The following RABGAP1L variants were observed in gnomAD, a reference collection of about 807,000 sequenced individuals.
The protein encoded by RABGAP1L is RAB GTPase activating protein 1 like.
RABGAP1L carries 63 observed loss-of-function variants against 137.7 expected under a neutral mutation model. That is an observed-to-expected ratio of 0.46 (90% CI 0.37 to 0.56). The LOEUF (loss-of-function observed/expected upper bound fraction) is 0.56, where lower values mean the gene tolerates loss of function less well. Ranked by LOEUF, RABGAP1L falls within the 20% of genes least tolerant of loss-of-function variation. The pLI is 0.00. For synonymous variants in RABGAP1L, 431 were observed against 433.7 expected (o/e 0.99, Z 0.08); for missense variants, 1,095 against 1,244.0 (o/e 0.88, Z 1.80).
intron 13 of RABGAP1L, among the ~76,000 whole-genome samples, chr1:174,472,504 C>T (rs557734896): frequency 6.6e-6 from 1 of 152,212 alleles, no homozygotes; most frequent in South Asian, 2.1e-4. Flanking sequence ...ATATTTATTA[C>T]GGTGAAAAGA....
intron 13 of RABGAP1L, among the ~76,000 whole-genome samples, chr1:174,479,324 G>T (rs1490031254): frequency 6.6e-6 from 1 of 152,178 alleles, no homozygotes; most frequent in Non-Finnish European, 1.5e-5. Context: ...CTTAGGCAGT[G>T]GTTCTCAAAC....
intron 11 of RABGAP1L, among the ~76,000 whole-genome samples, chr1:174,344,454 C>A (rs1682265582): frequency 6.6e-6 from 1 of 152,100 alleles, no homozygotes; most frequent in African/African-American, 2.4e-5. Context: ...CTTGTATAGC[C>A]ATTTTACCCT....
intron 11 of RABGAP1L, among the ~76,000 whole-genome samples, chr1:174,350,047 G>A (rs1363330351): frequency 1.7e-3 from 199 of 115,118 alleles, no homozygotes; most frequent in African/African-American, 6.1e-3. Context: ...GGGCAGAGGC[G>A]CCCCTCACCT....
At chr1:174,664,986 C>T (rs1379620001) in intron 14 of RABGAP1L, among the ~76,000 whole-genome samples, 1 of 152,128 alleles carries the variant, frequency 6.6e-6, no homozygotes, top group Non-Finnish European at 1.5e-5. Context: ...ATCCGTTCGC[C>T]TCAGCTTCCC....
At chr1:174,797,963 G>C (rs1375709445) in intron 18 of RABGAP1L, among the ~76,000 whole-genome samples, 3 of 151,524 alleles carry the variant, frequency 2.0e-5, no homozygotes, top group Non-Finnish European at 4.4e-5. Context: ...TTTAGAGATG[G>C]GGTTCCACTA....
At chr1:174,431,715 A>G (rs1246951477) in intron 13 of RABGAP1L, among the ~76,000 whole-genome samples, 1 of 152,190 alleles carries the variant, frequency 6.6e-6, no homozygotes, top group Non-Finnish European at 1.5e-5. Context: ...AAGGTACCTA[A>G]TTCTTATGGA....
intron 5 of RABGAP1L, chr1:174,245,985 C>G (rs1672226439): frequency 6.6e-6 from 1 of 152,040 alleles, no homozygotes; most frequent in African/African-American, 2.4e-5. Flanking sequence ...AGTGAGTTAT[C>G]TTTCACCAGT....
rs1032205622 is a variant in RABGAP1L, at chr1:174,596,307, C to T, written c.1711-41068C>T. The stretch of plus-strand genomic sequence containing the variant: ...CTCAGATGGAAATGCAGAAATCACC[C>T]GTCTTCTGCGTGGCTCACGCTGGGA... On this transcript the variant is annotated intron_variant, in intron 13 of 25. Transcript: ENST00000681986. 2.0e-5 allele frequency among the ~76,000 whole-genome samples: 3 copies of T among 151,752 alleles called. No individual in the cohort carries two copies. In the East Asian group the frequency reaches 5.9e-4, roughly 30 times the overall value.
At chr1:174,295,129 A>G (rs996532142) in intron 10 of RABGAP1L, among the ~76,000 whole-genome samples, 2 of 151,720 alleles carry the variant, frequency 1.3e-5, no homozygotes, top group African/African-American at 4.8e-5. Flanking sequence ...GTGTTAGCCA[A>G]GATGGGCTCG....
intron 13 of RABGAP1L, among the ~76,000 whole-genome samples, chr1:174,615,834 G>T (rs189204985): frequency 7.2e-4 from 109 of 152,332 alleles, no homozygotes; most frequent in Middle Eastern, 6.8e-3. Flanking sequence ...ATCTCCGACT[G>T]TTGTGCTAGC....
intron 13 of RABGAP1L, among the ~76,000 whole-genome samples, chr1:174,520,481 A>C (rs538290271): frequency 1.3e-5 from 2 of 152,202 alleles, no homozygotes; most frequent in Non-Finnish European, 2.9e-5. Flanking sequence ...ATATAAACTG[A>C]ATTGTTTTTA....
chr1:174,702,035 A>G, intron 16 of RABGAP1L, 78 bp from the exon 17 acceptor site: 1 of 1,338,778 alleles, frequency 7.5e-7, no homozygotes. Context: ...GCTGTTTGTA[A>G]GTTGCAGTTG....
At chr1:174,194,946 A>G (rs1429846814) in intron 1 of RABGAP1L, among the ~76,000 whole-genome samples, 2 of 152,130 alleles carry the variant, frequency 1.3e-5, no homozygotes, top group African/African-American at 4.8e-5. Flanking sequence ...AATTGATTTT[A>G]TTGTTCACTC....
intron 12 of RABGAP1L, among the ~76,000 whole-genome samples, chr1:174,384,151 T>C (rs1686517219): frequency 6.6e-6 from 1 of 152,242 alleles, no homozygotes; most frequent in Non-Finnish European, 1.5e-5. Context: ...TGCATCATGT[T>C]AAGTGACCTA....
At position 174,394,048 on chromosome 1, in the gene RABGAP1L, G is replaced by A; in HGVS notation, c.1613G>A (p.Gly538Asp). 2 of 1,613,870 alleles carry A rather than the reference G, an allele frequency of 1.2e-6. No homozygotes were observed. Among genetic ancestry groups the A allele is most frequent in the South Asian group, 2.2e-5 (2 of 91,076 alleles). Reference sequence around the variant, plus strand: ...GGGCTGTCTACTCTGGTGAAGAGTGGTGTCCCTGAAGCATTGAGGGCAGAG... The same window carrying A: ...GGGCTGTCTACTCTGGTGAAGAGTGATGTCCCTGAAGCATTGAGGGCAGAG... Reference protein sequence around the residue: ...PKGLSTLVKSGVPEALRAEVW... With the variant: ...PKGLSTLVKSDVPEALRAEVW... Residue 538 changes from glycine to aspartate, a missense_variant, in exon 13 of 26, where the codon GGT becomes GAT. Gly to Asp is a moderately conservative substitution (Grantham distance 94). Transcript: ENST00000681986.
intron 13 of RABGAP1L, among the ~76,000 whole-genome samples, chr1:174,570,946 A>G (rs1331437532): frequency 6.6e-6 from 1 of 152,222 alleles, no homozygotes; most frequent in African/African-American, 2.4e-5. Context: ...GGAAATGAGT[A>G]TATGGAAGAG....
At chr1:174,474,572 C>CATCA (rs766394595) in intron 13 of RABGAP1L, among the ~76,000 whole-genome samples, 9 of 151,988 alleles carry the variant, frequency 5.9e-5, no homozygotes, top group Non-Finnish European at 1.3e-4. Flanking sequence ...GTCATAATAT[C>CATCA]GAACCTCTCT....
At chr1:174,537,892 GAGT>G (rs1303007559) in intron 13 of RABGAP1L, among the ~76,000 whole-genome samples, 1 of 152,156 alleles carries the variant, frequency 6.6e-6, no homozygotes, top group Non-Finnish European at 1.5e-5. Flanking sequence ...CCCTATGCAA[GAGT>G]ATTGTTCAAT....
chr1:174,845,146 A>C lies in RABGAP1L; in HGVS notation c.2340+33186A>C, dbSNP rs150660882. ...TTGGGCTGAGATGATGGAGTTTTCT[A>C]GATAAACAATCATGTCGTCTGCAAA... On this transcript the variant is annotated intron_variant, in intron 19 of 25. Coordinates refer to ENST00000681986, the MANE Select transcript of RABGAP1L (RefSeq NM_001366446.1). 2.0e-5 allele frequency among the ~76,000 whole-genome samples: 3 copies of C among 146,886 alleles called. No homozygotes were observed. The South Asian group carries it at 6.8e-4, about 33-fold the overall frequency.
Sources: gnomAD v4.1 joint callset for allele counts (sites outside exome capture counted in the v4.1 genomes callset) on GRCh38, gnomAD v4.1.1 for gene constraint, MANE v1.5 for transcripts, NCBI Gene and HGNC (gene_info 2026-07-23, HGNC 2026-07-21) for gene names.